Variants in CDK19 observed in about 807,000 individuals in gnomAD.
CDK19 encodes cyclin-dependent kinase 19.
In CDK19, 20 loss-of-function variants were observed where a neutral mutation model predicts 68.3. The ratio of observed to expected loss-of-function variants is 0.29; its 90% CI spans 0.21 to 0.43. The LOEUF (loss-of-function observed/expected upper bound fraction) is 0.43, where lower values mean the gene tolerates loss of function less well. Ranked by LOEUF, CDK19 falls within the 20% of genes least tolerant of loss-of-function variation. The pLI is 1.00. For synonymous variants in CDK19, 221 were observed against 222.8 expected, an observed-to-expected ratio of 0.99 and a Z score of 0.07; for missense variants, 339 against 623.5, an observed-to-expected ratio of 0.54 and a Z score of 4.86.
intron 1 of CDK19, among the ~76,000 whole-genome samples, chr6:110,760,919 A>T (rs1217907588): frequency 6.6e-6 from 1 of 152,214 alleles, no homozygotes; most frequent in African/African-American, 2.4e-5. Context: ...TTTAATCGCT[A>T]TAGTGATTAT....
chr6:110,814,543 G>C (rs970877798), intron 1 of CDK19: 4 of 454,870 alleles, frequency 8.8e-6, no homozygotes, highest in African/African-American at 6.0e-5. Flanking sequence ...GCGTTCGCCC[G>C]ACAGGCTCCC....
At chr6:110,677,510 G>A (rs1468049588) in intron 2 of CDK19, among the ~76,000 whole-genome samples, 1 of 150,792 alleles carries the variant, frequency 6.6e-6, no homozygotes, top group African/African-American at 2.4e-5. Context: ...AGCTTGCAGT[G>A]AGCCGAGATC....
intron 6 of CDK19, among the ~76,000 whole-genome samples, chr6:110,627,959 A>C (rs529813425): frequency 6.6e-6 from 1 of 152,186 alleles, no homozygotes; most frequent in Non-Finnish European, 1.5e-5. Context: ...CCTGTATTCC[A>C]AGTACTTTGG....
chr6:110,774,114 A>G (rs1357227392), intron 1 of CDK19, among the ~76,000 whole-genome samples: 1 of 152,262 alleles, frequency 6.6e-6, no homozygotes, highest in Non-Finnish European at 1.5e-5. Context: ...AATTAATTAT[A>G]TATAATGCAG....
At chr6:110,644,574 C>T (rs925723611) in intron 4 of CDK19, among the ~76,000 whole-genome samples, 1 of 151,964 alleles carries the variant, frequency 6.6e-6, no homozygotes, top group African/African-American at 2.4e-5. Flanking sequence ...CCCCATTTAC[C>T]CTCTTGTGAT....
chr6:110,787,714 T>C (rs1256104472), intron 1 of CDK19, among the ~76,000 whole-genome samples: 1 of 152,132 alleles, frequency 6.6e-6, no homozygotes, highest in Non-Finnish European at 1.5e-5. Flanking sequence ...AGTGCTGGGA[T>C]TTATAGGCGT....
At chr6:110,709,050 A>G (rs1269041205) in intron 2 of CDK19, among the ~76,000 whole-genome samples, 2 of 152,192 alleles carry the variant, frequency 1.3e-5, no homozygotes, top group East Asian at 1.9e-4. Context: ...AATGTAATCT[A>G]TCACATAAAC....
intron 1 of CDK19, among the ~76,000 whole-genome samples, chr6:110,764,462 C>T (rs1167013401): frequency 2.6e-5 from 4 of 152,130 alleles, no homozygotes; most frequent in Non-Finnish European, 5.9e-5. Flanking sequence ...CACAAATATA[C>T]TCACATGTTC....
intron 8 of CDK19, among the ~76,000 whole-genome samples, chr6:110,626,310 A>T (rs192530108): frequency 6.6e-6 from 1 of 152,356 alleles, no homozygotes; most frequent in East Asian, 1.9e-4. Flanking sequence ...CTCAGTTTCT[A>T]GTTTAAATAA....
At chr6:110,713,138 G>A (rs1016880152) in intron 2 of CDK19, among the ~76,000 whole-genome samples, 3 of 151,188 alleles carry the variant, frequency 2.0e-5, no homozygotes, top group African/African-American at 4.9e-5. Context: ...TGGAGGTTGC[G>A]GTGAGCCAAG....
chr6:110,814,673 G>A (rs1213356934), intron 1 of CDK19: 2 of 525,902 alleles, frequency 3.8e-6, no homozygotes, highest in East Asian at 5.0e-5. Flanking sequence ...TGCCCGCTGC[G>A]TTCCCCCAAG....
At chr6:110,635,632 C>T (rs1324320223) in intron 5 of CDK19, among the ~76,000 whole-genome samples, 1 of 152,168 alleles carries the variant, frequency 6.6e-6, no homozygotes, top group Non-Finnish European at 1.5e-5. Flanking sequence ...CTCCGCCTCC[C>T]GGGTTCAAGC....
intron 2 of CDK19, among the ~76,000 whole-genome samples, chr6:110,691,890 C>T (rs1040044282): frequency 2.6e-5 from 4 of 150,978 alleles, no homozygotes; most frequent in African/African-American, 9.7e-5. Flanking sequence ...TTGTGATCCA[C>T]CCGCCTCGGC....
intron 1 of CDK19, among the ~76,000 whole-genome samples, chr6:110,786,537 CATG>C (rs1169134232): frequency 6.6e-6 from 1 of 152,164 alleles, no homozygotes; most frequent in Non-Finnish European, 1.5e-5. Flanking sequence ...TCTAGACCTT[CATG>C]ATGTTCTCCC....
chr6:110,680,001 G>A (rs1408746129), intron 2 of CDK19, among the ~76,000 whole-genome samples: 2 of 152,202 alleles, frequency 1.3e-5, no homozygotes, highest in African/African-American at 2.4e-5. Context: ...GTAATGGCCT[G>A]TAACCTAATA....
chr6:110,772,494 A>C (rs543508109), intron 1 of CDK19, among the ~76,000 whole-genome samples: 37 of 152,254 alleles, frequency 2.4e-4, no homozygotes, highest in Admixed American at 9.2e-4. Flanking sequence ...TATCACACTT[A>C]CTTGGTATCT....
In CDK19 at chr6:110,621,140, T is replaced by A. The variant is rs1325054967; in HGVS notation, c.1341A>T (p.Ala447=). 1 of 1,614,086 alleles carries A rather than the reference T, an allele frequency of 6.2e-7. No homozygotes were observed. Among genetic ancestry groups the A allele is most frequent in the Admixed American group, 1.7e-5 (1 of 60,016 alleles). The part of the protein sequence containing the change: ...NKKPRLGPSG[A]NSGGPVMPSD... ...AGGGCATCACAGGTCCACCTGAGTT[T>A]GCGCCTGAAGGCCCTAGCCGTGGCT... Residue 447 remains alanine (A), a synonymous_variant, in exon 12 of 13, where the codon GCA becomes GCT. Transcript: ENST00000368911. This position sits in a 1 kb window ranked among gnomAD's most constrained non-coding sequence, Gnocchi z 5.4.
At chr6:110,796,045 T>C (rs1193731508) in intron 1 of CDK19, among the ~76,000 whole-genome samples, 1 of 152,020 alleles carries the variant, frequency 6.6e-6, no homozygotes, top group African/African-American at 2.4e-5. Flanking sequence ...TATTCAAAAA[T>C]AAAATACAGA....
intron 2 of CDK19, among the ~76,000 whole-genome samples, chr6:110,724,962 C>T (rs1776219611): frequency 6.6e-6 from 1 of 152,034 alleles, no homozygotes; most frequent in African/African-American, 2.4e-5. Context: ...ACTGTGAATA[C>T]AGAAATGAAT....
Sources: gnomAD v4.1 joint callset for allele counts (sites outside exome capture counted in the v4.1 genomes callset) on GRCh38, gnomAD v4.1.1 for gene constraint, Gnocchi (gnomAD v3.1) non-coding constraint, MANE v1.5 for transcripts, NCBI Gene and HGNC (gene_info 2026-07-23, HGNC 2026-07-21) for gene names.